The following GTF2E2 variants were observed in gnomAD, a reference collection of about 807,000 sequenced individuals.
GTF2E2 encodes the protein transcription initiation factor IIE subunit beta.
A neutral mutation model predicts 40.5 loss-of-function variants in GTF2E2; 21 were observed. The ratio of observed to expected loss-of-function variants is 0.52; its 90% CI spans 0.37 to 0.75. GTF2E2 has a LOEUF of 0.75. Ranked by LOEUF, GTF2E2 falls within the 30% of genes least tolerant of loss-of-function variation. The pLI is 0.00. For synonymous variants in GTF2E2, 117 were observed against 121.6 expected, an observed-to-expected ratio of 0.96 and a Z score of 0.25; for missense variants, 298 against 338.4, an observed-to-expected ratio of 0.88 and a Z score of 0.94.
intron 2 of GTF2E2, among the ~76,000 whole-genome samples, chr8:30,649,598 A>G (rs990072107): frequency 2.6e-5 from 4 of 152,214 alleles, no homozygotes; most frequent in Non-Finnish European, 4.4e-5. Context: ...TAATCCCAGC[A>G]CTTTGGGAAG....
At chr8:30,642,891 T>C (rs370326357) in intron 2 of GTF2E2, among the ~76,000 whole-genome samples, 1 of 152,226 alleles carries the variant, frequency 6.6e-6, no homozygotes, top group Non-Finnish European at 1.5e-5. Flanking sequence ...CTATTTATTT[T>C]TGAGGTAAGG....
chr8:30,645,208 A>G (rs184182052), intron 2 of GTF2E2: 212 of 1,227,910 alleles, frequency 1.7e-4, no homozygotes, highest in Non-Finnish European at 2.2e-4. Context: ...TTTACTAAGA[A>G]ATCTTAGTAC....
chr8:30,583,120 G>T (rs1828559872), intron 6 of GTF2E2, among the ~76,000 whole-genome samples: 1 of 152,142 alleles, frequency 6.6e-6, no homozygotes, highest in African/African-American at 2.4e-5. Flanking sequence ...GATCATTCAA[G>T]GTCAGGAGTT....
chr8:30,622,468 C>T (rs552950405), intron 3 of GTF2E2, among the ~76,000 whole-genome samples: 9 of 151,950 alleles, frequency 5.9e-5, no homozygotes, highest in East Asian at 1.9e-4. Flanking sequence ...GGAGGCAGGG[C>T]GAGATCACAG....
chr8:30,631,809 T>C (rs1379875863), intron 3 of GTF2E2, among the ~76,000 whole-genome samples: 1 of 151,990 alleles, frequency 6.6e-6, no homozygotes, highest in East Asian at 1.9e-4. Flanking sequence ...TAAAAAGGAG[T>C]AACAGGCCAG....
chr8:30,602,180 G>C (rs994315723), intron 6 of GTF2E2, among the ~76,000 whole-genome samples: 1 of 152,012 alleles, frequency 6.6e-6, no homozygotes, highest in African/African-American at 2.4e-5. Context: ...AGCATGTCCG[G>C]CTAATTTTTG....
chr8:30,591,312 C>A (rs1828843968), intron 6 of GTF2E2, among the ~76,000 whole-genome samples: 1 of 151,892 alleles, frequency 6.6e-6, no homozygotes. Flanking sequence ...AGAGTAAGAC[C>A]CTGCCTCTAT....
intron 6 of GTF2E2, among the ~76,000 whole-genome samples, chr8:30,605,612 G>A (rs780692387): frequency 6.2e-5 from 9 of 144,324 alleles, no homozygotes; most frequent in South Asian, 2.3e-4. Flanking sequence ...TAAAGGAATC[G>A]GTTATTTCTT....
intron 3 of GTF2E2, among the ~76,000 whole-genome samples, chr8:30,618,027 A>C (rs905891921): frequency 2.0e-5 from 3 of 152,160 alleles, no homozygotes; most frequent in African/African-American, 7.2e-5. Context: ...GGCTGGGCAC[A>C]GTGGCTCATG....
At chr8:30,613,287 A>C (rs1460138060) in intron 4 of GTF2E2, among the ~76,000 whole-genome samples, 1 of 152,228 alleles carries the variant, frequency 6.6e-6, no homozygotes, top group Admixed American at 6.5e-5. Context: ...CTGTGGAAGG[A>C]ACTGAAAAGG....
At chr8:30,634,955 T>C in intron 3 of GTF2E2, 77 bp downstream of exon 3, 1 of 748,830 alleles carries the variant, frequency 1.3e-6, no homozygotes, top group South Asian at 1.7e-5. Context: ...TACAGAAATT[T>C]AACTTCTGAA....
intron 2 of GTF2E2, among the ~76,000 whole-genome samples, chr8:30,650,041 T>C (rs970428102): frequency 3.3e-5 from 5 of 152,152 alleles, no homozygotes; most frequent in African/African-American, 1.2e-4. Flanking sequence ...TAACAAAGTT[T>C]CACAAACTCT....
intron 2 of GTF2E2, among the ~76,000 whole-genome samples, chr8:30,650,377 A>C (rs1174830257): frequency 6.6e-6 from 1 of 152,118 alleles, no homozygotes; most frequent in Admixed American, 6.5e-5. Flanking sequence ...ATCAGACAAC[A>C]TCCAGTACCC....
chr8:30,645,724 A>C (rs1802050364), intron 2 of GTF2E2: 2 of 981,572 alleles, frequency 2.0e-6, no homozygotes, highest in South Asian at 3.6e-5. Flanking sequence ...TTTCTAGTAG[A>C]AGGGGAAAAA....
chr8:30,597,489 G>GT (rs1585946681), intron 6 of GTF2E2: 1 of 152,246 alleles, frequency 6.6e-6, no homozygotes, highest in East Asian at 1.9e-4. Context: ...GGCGATCTCT[G>GT]TTTTCTTGCT....
chr8:30,648,715 G>C (rs567504809), intron 2 of GTF2E2, among the ~76,000 whole-genome samples: 29 of 152,338 alleles, frequency 1.9e-4, no homozygotes, highest in Non-Finnish European at 3.4e-4. Flanking sequence ...AAACATTTGA[G>C]CTTCCAGCTG....
At chr8:30,583,654 AC>A (rs1172062788) in intron 6 of GTF2E2, among the ~76,000 whole-genome samples, 2 of 152,186 alleles carry the variant, frequency 1.3e-5, no homozygotes, top group Non-Finnish European at 2.9e-5. Context: ...TACTGGGATT[AC>A]CAGCCTGAGC....
intron 2 of GTF2E2, chr8:30,645,234 C>A: frequency 7.3e-7 from 1 of 1,375,366 alleles, no homozygotes; most frequent in Non-Finnish European, 9.6e-7. Flanking sequence ...TTTGAATTAA[C>A]AGATCTGTAG....
chr8:30,592,230 T>G (rs1406556763), intron 6 of GTF2E2, among the ~76,000 whole-genome samples: 2 of 151,978 alleles, frequency 1.3e-5, no homozygotes, highest in Non-Finnish European at 2.9e-5. Context: ...AATACAAACA[T>G]TAGCCAGGCA....
Sources: allele counts gnomAD v4.1 joint callset (sites outside exome capture counted in the v4.1 genomes callset), GRCh38; gene constraint gnomAD v4.1.1; transcripts MANE v1.5; gene names NCBI Gene and HGNC (gene_info 2026-07-23, HGNC 2026-07-21).